TMX3: variants seen among roughly 807,000 people sequenced by gnomAD.
The protein encoded by TMX3 is protein disulfide-isomerase TMX3.
TMX3 carries 40 observed loss-of-function variants against 64.4 expected under a neutral mutation model. The ratio of observed to expected loss-of-function variants is 0.62; its 90% CI spans 0.48 to 0.81. The LOEUF (loss-of-function observed/expected upper bound fraction) is 0.81, where lower values mean the gene tolerates loss of function less well. Among genes scored for constraint, TMX3 ranks in the 30% least tolerant of loss-of-function variants. The pLI, the probability that TMX3 is intolerant of heterozygous loss-of-function variation, is 0.00. For synonymous variants in TMX3, 189 were observed against 175.7 expected (o/e 1.08, Z -0.60); for missense variants, 497 against 534.5 (o/e 0.93, Z 0.69).
At chr18:68,699,307 A>G (rs1275761971) in intron 6 of TMX3, among the ~76,000 whole-genome samples, 1 of 152,150 alleles carries the variant, frequency 6.6e-6, no homozygotes, top group African/African-American at 2.4e-5. Context: ...AGCCTAAACC[A>G]AAACTCATTA....
Position 68,697,277 on chromosome 18 carries a change from T to A in TMX3, c.519A>T (p.Glu173Asp). 1 of 1,579,924 alleles carries A rather than the reference T, an allele frequency of 6.3e-7. No homozygotes were observed. The highest frequency in any genetic ancestry group is 8.6e-7 in the Non-Finnish European group (1 of 1,161,794). The change falls in exon 8 of 16, where the codon GAA becomes GAT. Residue 173 changes from glutamate to aspartate, a missense_variant. Glu to Asp is a conservative substitution (Grantham distance 45). Coordinates refer to ENST00000299608, the MANE Select transcript of TMX3 (RefSeq NM_019022.5). ...AAAAGAAGTATGTATATACAATCAA[T>A]TCTGAAGCAGCATCTATGTATTTCT... Reference protein sequence around the residue: ...LKEKYIDAASELIVYTYFFSA... With the variant: ...LKEKYIDAASDLIVYTYFFSA...
chr18:68,706,160 AGGCAGATCACCTGAGGAGGAC>A (rs1202160621), intron 4 of TMX3: 2 of 152,406 alleles, frequency 1.3e-5, no homozygotes, highest in Non-Finnish European at 2.9e-5. Flanking sequence ...AGGCCGAGGC[AGGCAGATCACCTGAGGAGGAC>A]GGCAGATCAC....
In TMX3 at chr18:68,685,395, C is replaced by T. The variant is rs925126963; in HGVS notation, c.737-910G>A. Among the ~76,000 whole-genome samples, 4 of 152,192 alleles carry T rather than the reference C, an allele frequency of 2.6e-5. No homozygotes were observed. The East Asian group carries it at 5.8e-4, about 22-fold the overall frequency. The stretch of plus-strand genomic sequence containing the variant: ...TGCTTAAACACCTGTCTAAATTCTA[C>T]ACAACCTTCAGTCTTCTAACTCTCT... On this transcript the variant is annotated intron_variant, in intron 10 of 15. Coordinates refer to ENST00000299608, the MANE Select transcript of TMX3 (RefSeq NM_019022.5).
rs200346443 is a variant in TMX3 at position 68,676,864 on chromosome 18, TG to T, written c.*68del. ...CTTTTCTGTAAAGATCATGATTAAATGTCTAAATTCAATAAATAGACTCTTT... is the reference window on the plus strand; with the variant it reads ...CTTTTCTGTAAAGATCATGATTAAATTCTAAATTCAATAAATAGACTCTTT... On this transcript the variant is annotated 3_prime_UTR_variant, in exon 16 of 16. Transcript: ENST00000299608. 5,466 of 1,526,474 alleles carry T rather than the reference TG, an allele frequency of 3.6e-3. 114 individuals carry two copies. The Admixed American group carries it at 0.055, about 15-fold the overall frequency. The allele number at this position is 1,526,474 out of a possible 1,614,324, so 94.6% of individuals were successfully genotyped here. A position where few individuals can be genotyped will look rare whatever the true frequency, so the allele number is the denominator to read the frequency against.
At chr18:68,681,333 C>CT (rs1913415971) in intron 13 of TMX3, 2 of 603,610 alleles carry the variant, frequency 3.3e-6, no homozygotes, top group African/African-American at 3.9e-5. Context: ...CGCAATTCAT[C>CT]TTTAAGTCTT....
chr18:68,702,175 CAAAAAAAAAAAAA>C (rs375234012), intron 4 of TMX3, among the ~76,000 whole-genome samples: 3 of 44,036 alleles, frequency 6.8e-5, no homozygotes, highest in African/African-American at 1.5e-4. Context: ...TTACTCCTCT[CAAAAAAAAAAAAA>C]AAAAAAAAAA....
At chr18:68,703,968 C>G (rs1366118152) in intron 4 of TMX3, among the ~76,000 whole-genome samples, 2 of 151,870 alleles carry the variant, frequency 1.3e-5, no homozygotes, top group Non-Finnish European at 2.9e-5. Flanking sequence ...TAAAAAAAAG[C>G]AAACAAAGCG....
At chr18:68,691,228 A>G (rs1307659537) in intron 9 of TMX3, 67 bp downstream of exon 9, 4 of 1,107,588 alleles carry the variant, frequency 3.6e-6, no homozygotes, top group Non-Finnish European at 3.9e-6. Flanking sequence ...TAATCTTTAC[A>G]CCTAAGTTGT....
At position 68,687,680 on chromosome 18, in the gene TMX3, T is replaced by C. The variant is rs370764875; in HGVS notation, c.723A>G (p.Glu241=). 97 of 1,610,532 alleles carry C rather than the reference T, an allele frequency of 6.0e-5. No individual in the cohort carries two copies. Among genetic ancestry groups the C allele is most frequent in the Non-Finnish European group, 6.8e-5 (80 of 1,178,622 alleles). The stretch of plus-strand genomic sequence containing the variant: ...TATGCTTGTTACCTGTGTCTCCAAG[T>C]TCATACAAGAGGAAGCCATCCATAG... ...YLAMDGFLLY[E]LGDTGKLVAL... The change falls in exon 10 of 16, where the codon GAA becomes GAG. Residue 241 remains glutamate (E), a synonymous_variant. Transcript: ENST00000299608.
chr18:68,712,796 C>A lies in TMX3; in HGVS notation c.101+1050G>T, dbSNP rs149026996. Among the ~76,000 whole-genome samples the A allele has an allele frequency of 2.7e-3, 412 of 152,168 alleles. 1 individual carries two copies. Among genetic ancestry groups the A allele is most frequent in the African/African-American group, 9.7e-3 (401 of 41,526 alleles). On this transcript the variant is annotated intron_variant, in intron 2 of 15. Transcript: ENST00000299608. ...CTGTAAACAATCAGTGAGCATCCCC[C>A]ATGACCCAACAGCATGAGCAGCGAA...
Position 68,684,247 on chromosome 18 carries a change from T to C in TMX3, c.795-4A>G, listed in dbSNP as rs371867548. 7.5e-6 allele frequency: 12 copies of C among 1,610,068 alleles called. No homozygotes were observed. Among genetic ancestry groups the C allele is most frequent in the Admixed American group, 6.7e-5 (4 of 59,854 alleles). Reference sequence around the variant, plus strand: ...TTCCTGAATAATTGACTTCAATCTGTAGAAGAACAAACATATGAATAGTTC... The same window carrying C: ...TTCCTGAATAATTGACTTCAATCTGCAGAAGAACAAACATATGAATAGTTC... On this transcript the variant is annotated splice_region_variant and splice_polypyrimidine_tract_variant and intron_variant, in intron 11 of 15. Coordinates refer to ENST00000299608, the MANE Select transcript of TMX3 (RefSeq NM_019022.5).
chr18:68,698,261 A>C (rs1198971994), intron 6 of TMX3, among the ~76,000 whole-genome samples: 1 of 152,216 alleles, frequency 6.6e-6, no homozygotes, highest in Non-Finnish European at 1.5e-5. Flanking sequence ...TATCAGTTTC[A>C]AAATAAGTGT....
intron 15 of TMX3, among the ~76,000 whole-genome samples, chr18:68,678,492 G>A (rs1913134555): frequency 6.6e-6 from 1 of 152,108 alleles, no homozygotes; most frequent in Non-Finnish European, 1.5e-5. Flanking sequence ...GAAAAACACT[G>A]AAGAGATGGG....
intron 14 of TMX3, 40 bp downstream of exon 14, chr18:68,680,941 C>G (rs888203436): frequency 3.3e-6 from 5 of 1,524,478 alleles, no homozygotes; most frequent in South Asian, 1.4e-5. Flanking sequence ...TCCTCTACCC[C>G]CTGTCCATCA....
chr18:68,713,003 TAAAAAAAAAAA>T (rs34191235), intron 2 of TMX3, among the ~76,000 whole-genome samples: 1 of 122,314 alleles, frequency 8.2e-6, no homozygotes, highest in African/African-American at 3.0e-5. Flanking sequence ...TCAAGAGGTT[TAAAAAAAAAAA>T]AAAAAAAAAG....
chr18:68,678,473 A>T (rs1913132579), intron 15 of TMX3, among the ~76,000 whole-genome samples: 1 of 152,106 alleles, frequency 6.6e-6, no homozygotes, highest in Admixed American at 6.6e-5. Flanking sequence ...AAGGGAGGAA[A>T]GGGATGCTGA....
At chr18:68,707,929 GTATATATGTGTA>G (rs1353964918) in intron 4 of TMX3, among the ~76,000 whole-genome samples, 7 of 148,322 alleles carry the variant, frequency 4.7e-5, no homozygotes, top group Admixed American at 6.8e-5. Context: ...GTGTATATGT[GTATATATGTGTA>G]TATATATGTG....
chr18:68,694,967 T>C (rs2145068375), intron 8 of TMX3, among the ~76,000 whole-genome samples: 1 of 152,008 alleles, frequency 6.6e-6, no homozygotes. Context: ...ATTTATAGAT[T>C]CAAAAGAAAA....
In TMX3 at chr18:68,697,271, A is replaced by G. The variant is rs1321740977; in HGVS notation, c.525T>C (p.Ile175=). 1 of 1,580,130 alleles carries G rather than the reference A, an allele frequency of 6.3e-7. No homozygotes were observed. The highest frequency in any genetic ancestry group is 8.6e-7 in the Non-Finnish European group (1 of 1,161,656). The change falls in exon 8 of 16, where the codon ATT becomes ATC. Residue 175 remains isoleucine, a synonymous_variant. Coordinates refer to ENST00000299608, the MANE Select transcript of TMX3 (RefSeq NM_019022.5). ...AGGCAGAAAAGAAGTATGTATATAC[A>G]ATCAATTCTGAAGCAGCATCTATGT... ...EKYIDAASEL[I]VYTYFFSASE...
Sources: gnomAD v4.1 joint callset for allele counts (sites outside exome capture counted in the v4.1 genomes callset) on GRCh38, gnomAD v4.1.1 for gene constraint, MANE v1.5 for transcripts, NCBI Gene and HGNC (gene_info 2026-07-23, HGNC 2026-07-21) for gene names.